SLIT2: variants seen among roughly 807,000 people sequenced by gnomAD.
The protein encoded by SLIT2 is slit guidance ligand 2.
A neutral mutation model predicts 185.7 loss-of-function variants in SLIT2; 41 were observed. The ratio of observed to expected loss-of-function variants is 0.22; its 90% CI spans 0.17 to 0.29. The LOEUF (loss-of-function observed/expected upper bound fraction) is 0.29. SLIT2 is among the 10% of genes least tolerant of loss of function. SLIT2 has a pLI of 1.00. For missense variants in SLIT2, 1,571 were observed against 1,909.0 expected (o/e 0.82, Z 3.30); for synonymous variants, 693 against 680.2 (o/e 1.02, Z -0.29).
chr4:20,337,550 A>C (rs1720608151), intron 4 of SLIT2, among the ~76,000 whole-genome samples: 1 of 152,218 alleles, frequency 6.6e-6, no homozygotes, highest in Admixed American at 6.5e-5. Flanking sequence ...CATATCAAAT[A>C]GCAAAGAGCT....
At chr4:20,430,231 G>A (rs1454266047) in intron 4 of SLIT2, among the ~76,000 whole-genome samples, 2 of 152,084 alleles carry the variant, frequency 1.3e-5, no homozygotes, top group Admixed American at 1.3e-4. Context: ...CAGATTTAGG[G>A]TATATCTTAC....
In SLIT2 at chr4:20,419,667, CTGTGTGTGTGTGTGTGTG is replaced by C. The variant is rs55679047; in HGVS notation, c.396-48059_396-48042del. 1.4e-4 allele frequency among the ~76,000 whole-genome samples: 20 copies of C among 138,082 alleles called. No homozygotes were observed. In the South Asian group the frequency reaches 2.2e-3, roughly 15 times the overall value. 90.6% of individuals were successfully genotyped at this position (138,082 alleles called of 152,430 possible). A position where few individuals can be genotyped will look rare whatever the true frequency, so the allele number is the denominator to read the frequency against. ...GTTGCTGTTAAGGGTAAGTTTTAAG[CTGTGTGTGTGTGTGTGTG>C]TGTGTGTGTGTGTGTGTGTGTGTGT... On this transcript the variant is annotated intron_variant, in intron 4 of 36. Transcript: ENST00000504154.
Position 20,545,109 on chromosome 4 carries a change from T to G in SLIT2, c.2277-922T>G, listed in dbSNP as rs144532229. 2.6e-3 allele frequency among the ~76,000 whole-genome samples: 400 copies of G among 152,240 alleles called. 10 individuals are homozygous for G. The South Asian group carries it at 0.06, about 23-fold the overall frequency. On this transcript the variant is annotated intron_variant, in intron 21 of 36. Coordinates refer to ENST00000504154, the MANE Select transcript of SLIT2 (RefSeq NM_004787.4). Reference sequence around the variant, plus strand: ...TTAGACAACTTCTCAGCTATTTCTATATCCAGAAAAAATACCAACTTCAAC... The same window carrying G: ...TTAGACAACTTCTCAGCTATTTCTAGATCCAGAAAAAATACCAACTTCAAC...
At chr4:20,262,558 C>G (rs1712591258) in intron 3 of SLIT2, among the ~76,000 whole-genome samples, 2 of 151,768 alleles carry the variant, frequency 1.3e-5, no homozygotes, top group Non-Finnish European at 2.9e-5. Context: ...AGAATTCAAG[C>G]CCATCTCAAA....
At chr4:20,544,765 G>A (rs554172405) in intron 21 of SLIT2, among the ~76,000 whole-genome samples, 4 of 152,104 alleles carry the variant, frequency 2.6e-5, no homozygotes, top group South Asian at 2.1e-4. Context: ...TATAACTTCC[G>A]CCTTAGATTA....
At chr4:20,349,397 A>G (rs1355636067) in intron 4 of SLIT2, among the ~76,000 whole-genome samples, 1 of 152,156 alleles carries the variant, frequency 6.6e-6, no homozygotes, top group Non-Finnish European at 1.5e-5. Context: ...TTGCCCTTAG[A>G]TTGAGATTGG....
intron 4 of SLIT2, among the ~76,000 whole-genome samples, chr4:20,363,572 T>C (rs1722897715): frequency 6.6e-6 from 1 of 152,132 alleles, no homozygotes; most frequent in African/African-American, 2.4e-5. Context: ...TCTGGAAATC[T>C]GAGGGAAGTT....
chr4:20,525,021 A>G, intron 14 of SLIT2, 128 bp from the exon 15 acceptor site: 1 of 688,946 alleles, frequency 1.5e-6, no homozygotes, highest in South Asian at 1.7e-5. Context: ...TACTTCAGTC[A>G]CAGCTGTGAA....
At chr4:20,573,321 T>A (rs2148922702) in intron 29 of SLIT2, 1 of 702,838 alleles carries the variant, frequency 1.4e-6, no homozygotes, top group East Asian at 2.7e-5. Context: ...CTTGTAAAGT[T>A]ACATAGATTT....
At chr4:20,486,398 A>G in intron 7 of SLIT2, 127 bp downstream of exon 7, 1 of 614,036 alleles carries the variant, frequency 1.6e-6, no homozygotes, top group Non-Finnish European at 2.9e-6. Context: ...CAACTTTGGA[A>G]AAGACTAGAT....
At chr4:20,486,363 G>T in intron 7 of SLIT2, 92 bp downstream of exon 7, 1 of 731,774 alleles carries the variant, frequency 1.4e-6, no homozygotes, top group East Asian at 2.6e-5. Context: ...AGGACCACTG[G>T]TTTACAAGGT....
intron 4 of SLIT2, among the ~76,000 whole-genome samples, chr4:20,424,444 A>C (rs1728393972): frequency 6.6e-6 from 1 of 152,102 alleles, no homozygotes; most frequent in Non-Finnish European, 1.5e-5. Context: ...CAAAAATACC[A>C]GGCATGTTAT....
At chr4:20,568,143 T>C (rs1725258923) in intron 28 of SLIT2, among the ~76,000 whole-genome samples, 1 of 152,108 alleles carries the variant, frequency 6.6e-6, no homozygotes, top group African/African-American at 2.4e-5. Context: ...TCATGAATTA[T>C]GAACTGGAGC....
chr4:20,589,862 A>G, intron 30 of SLIT2, 125 bp downstream of exon 30: 1 of 569,042 alleles, frequency 1.8e-6, no homozygotes, highest in Non-Finnish European at 3.2e-6. Context: ...ATTCACTAGT[A>G]TCAGTGACAT....
intron 3 of SLIT2, among the ~76,000 whole-genome samples, chr4:20,267,961 AG>A (rs545730642): frequency 4.0e-4 from 61 of 151,930 alleles, no homozygotes; most frequent in African/African-American, 1.3e-3. Context: ...CGTTTTATTT[AG>A]ATTTGGGAAA....
At chr4:20,345,029 C>G (rs1235201672) in intron 4 of SLIT2, among the ~76,000 whole-genome samples, 1 of 152,034 alleles carries the variant, frequency 6.6e-6, no homozygotes. Context: ...TCATACCCAC[C>G]ATTAATTATT....
intron 26 of SLIT2, among the ~76,000 whole-genome samples, chr4:20,565,217 G>A (rs537420631): frequency 6.4e-4 from 98 of 151,982 alleles, no homozygotes; most frequent in African/African-American, 2.2e-3. Context: ...ACAGTAACAG[G>A]CCAAAAGACA....
At chr4:20,341,762 T>A (rs570657953) in intron 4 of SLIT2, among the ~76,000 whole-genome samples, 1 of 152,350 alleles carries the variant, frequency 6.6e-6, no homozygotes, top group African/African-American at 2.4e-5. Context: ...ATTAACTAAC[T>A]GTATTACATA....
intron 9 of SLIT2, among the ~76,000 whole-genome samples, chr4:20,496,484 C>A (rs1026432642): frequency 6.6e-6 from 1 of 152,138 alleles, no homozygotes; most frequent in African/African-American, 2.4e-5. Context: ...AAAACTAATG[C>A]AGAAGCACAG....
Sources: gnomAD v4.1 joint callset for allele counts (sites outside exome capture counted in the v4.1 genomes callset) on GRCh38, gnomAD v4.1.1 for gene constraint, MANE v1.5 for transcripts, NCBI Gene and HGNC (gene_info 2026-07-23, HGNC 2026-07-21) for gene names.